Variants in LPCAT2 observed in about 807,000 individuals in gnomAD.
LPCAT2 encodes the protein 1-AGP acyltransferase 11.
A neutral mutation model predicts 64.7 loss-of-function variants in LPCAT2; 58 were observed. The observed-to-expected ratio is 0.90, with a 90% CI of 0.73 to 1.12. LPCAT2 has a LOEUF of 1.12. Among genes scored for constraint, LPCAT2 ranks in the 50% most tolerant of loss-of-function variants. LPCAT2 has a pLI of 0.00. For synonymous variants in LPCAT2, 252 were observed against 245.3 expected (o/e 1.03, Z -0.26); for missense variants, 579 against 669.8 (o/e 0.86, Z 1.50).
At chr16:55,561,315 G>A (rs1400346697) in intron 11 of LPCAT2, among the ~76,000 whole-genome samples, 2 of 146,470 alleles carry the variant, frequency 1.4e-5, no homozygotes, top group African/African-American at 5.0e-5. Context: ...TAATAACTTT[G>A]TTCCCCAAAT....
At chr16:55,512,017 A>G (rs1962939600) in intron 1 of LPCAT2, among the ~76,000 whole-genome samples, 1 of 152,152 alleles carries the variant, frequency 6.6e-6, no homozygotes, top group African/African-American at 2.4e-5. Flanking sequence ...ATACCACCAT[A>G]CTTCATTGCA....
chr16:55,571,918 T>A (rs1258397444), intron 11 of LPCAT2, among the ~76,000 whole-genome samples: 1 of 152,146 alleles, frequency 6.6e-6, no homozygotes, highest in Non-Finnish European at 1.5e-5. Context: ...AATGAAGAAG[T>A]TGAATGGATG....
At chr16:55,511,103 A>G (rs1207414128) in intron 1 of LPCAT2, among the ~76,000 whole-genome samples, 3 of 152,264 alleles carry the variant, frequency 2.0e-5, no homozygotes, top group Admixed American at 6.5e-5. Flanking sequence ...TTTCTCGTCT[A>G]TTACATTGGA....
chr16:55,525,381 C>T (rs1301525952), intron 1 of LPCAT2, 127 bp from the exon 2 acceptor site: 2 of 695,528 alleles, frequency 2.9e-6, no homozygotes, highest in Non-Finnish European at 4.8e-6. Context: ...CTGGTACAGG[C>T]TAGTAGTCAA....
intron 1 of LPCAT2, among the ~76,000 whole-genome samples, chr16:55,520,490 A>G (rs1453911765): frequency 6.6e-6 from 1 of 152,028 alleles, no homozygotes; most frequent in Non-Finnish European, 1.5e-5. Flanking sequence ...ATAATATAGA[A>G]AATTTGAACA....
At chr16:55,543,539 G>GT (rs1388784442) in intron 8 of LPCAT2, among the ~76,000 whole-genome samples, 1 of 151,816 alleles carries the variant, frequency 6.6e-6, no homozygotes, top group African/African-American at 2.4e-5. Flanking sequence ...TCAACTTACT[G>GT]TTTTTTTCTT....
At chr16:55,571,308 T>C (rs1963767357) in intron 11 of LPCAT2, among the ~76,000 whole-genome samples, 1 of 152,174 alleles carries the variant, frequency 6.6e-6, no homozygotes, top group Non-Finnish European at 1.5e-5. Context: ...TAGAGCTTCC[T>C]GCTGGCCCTG....
chr16:55,564,745 G>A (rs1299608041), intron 11 of LPCAT2, among the ~76,000 whole-genome samples: 2 of 151,916 alleles, frequency 1.3e-5, no homozygotes, highest in African/African-American at 4.8e-5. Flanking sequence ...AAACTCTTCA[G>A]TGAAAACAGA....
chr16:55,563,598 G>GA (rs1259723220), intron 11 of LPCAT2, among the ~76,000 whole-genome samples: 4 of 151,762 alleles, frequency 2.6e-5, no homozygotes, highest in Admixed American at 6.6e-5. Context: ...GAATGAAGGG[G>GA]AAAAATCACA....
intron 12 of LPCAT2, among the ~76,000 whole-genome samples, chr16:55,575,321 A>G (rs1450994889): frequency 6.6e-6 from 1 of 152,198 alleles, no homozygotes; most frequent in African/African-American, 2.4e-5. Flanking sequence ...GAGCTTGATG[A>G]AAGTTCAAAT....
intron 2 of LPCAT2, 55 bp downstream of exon 2, chr16:55,525,702 T>G (rs1199894206): frequency 3.7e-6 from 5 of 1,339,804 alleles, no homozygotes; most frequent in Non-Finnish European, 5.0e-6. Context: ...TAAGATATAC[T>G]AAATCAATAT....
chr16:55,516,320 G>T (rs2053600172), intron 1 of LPCAT2, among the ~76,000 whole-genome samples: 1 of 152,090 alleles, frequency 6.6e-6, no homozygotes, highest in Non-Finnish European at 1.5e-5. Flanking sequence ...GCCCAGACTG[G>T]TCTCAAACTC....
Position 55,548,047 on chromosome 16 carries a change from C to T in LPCAT2, c.936-1230C>T, listed in dbSNP as rs536065837. On this transcript the variant is annotated intron_variant, in intron 9 of 13. Transcript: ENST00000262134. ...CCTCCCAAAGTGCTGGGATTACTGG[C>T]GTGAGCCACCGCACCTGGCCAAAAA... Among the ~76,000 whole-genome samples the T allele has an allele frequency of 9.9e-5, 15 of 152,234 alleles. No individual in the cohort carries two copies. The South Asian group carries it at 2.5e-3, about 25-fold the overall frequency.
rs1047992274 is a variant in LPCAT2, at chr16:55,584,617, T to A, written c.*1519T>A. On this transcript the variant is annotated 3_prime_UTR_variant, in exon 14 of 14. Coordinates refer to ENST00000262134, the MANE Select transcript of LPCAT2 (RefSeq NM_017839.5). ...ATAAAACTCCTTGTTTTGGCCGTGT[T>A]TCTGAATGTATTGGTGATTCACCCC... 3 of 152,196 alleles carry A rather than the reference T, an allele frequency of 2.0e-5. No homozygotes were observed. In the South Asian group the frequency reaches 6.2e-4, roughly 31 times the overall value. 9.4% of individuals were successfully genotyped at this position (152,196 alleles called of 1,614,324 possible).
intron 1 of LPCAT2, among the ~76,000 whole-genome samples, chr16:55,509,989 G>GTTTTTTTTTTTTTTT (rs1196878080): frequency 1.5e-5 from 1 of 65,200 alleles, no homozygotes; most frequent in Non-Finnish European, 4.0e-5. Flanking sequence ...ATTTGAAGAA[G>GTTTTTTTTTTTTTTT]TCTTTTTTTT....
intron 2 of LPCAT2, 119 bp from the exon 3 acceptor site, chr16:55,528,258 C>A (rs1244160246): frequency 9.8e-6 from 7 of 716,932 alleles, no homozygotes; most frequent in Non-Finnish European, 1.4e-5. Flanking sequence ...TTCTCCTCAG[C>A]TCATATTTTC....
At chr16:55,572,955 A>G (rs1230290909) in intron 11 of LPCAT2, among the ~76,000 whole-genome samples, 1 of 152,196 alleles carries the variant, frequency 6.6e-6, no homozygotes, top group African/African-American at 2.4e-5. Flanking sequence ...AAAAAACAAA[A>G]CAAAACAAAA....
At chr16:55,543,119 T>C (rs1326138261) in intron 8 of LPCAT2, among the ~76,000 whole-genome samples, 1 of 152,200 alleles carries the variant, frequency 6.6e-6, no homozygotes, top group Admixed American at 6.5e-5. Flanking sequence ...CAAGGTCTTA[T>C]TCTAGGAGAG....
intron 11 of LPCAT2, among the ~76,000 whole-genome samples, chr16:55,553,735 C>T (rs1963544276): frequency 6.6e-6 from 1 of 152,190 alleles, no homozygotes; most frequent in Admixed American, 6.5e-5. Flanking sequence ...TTTCAATTTA[C>T]TTTGCCCAAA....
Sources: gnomAD v4.1 joint callset for allele counts (sites outside exome capture counted in the v4.1 genomes callset) on GRCh38, gnomAD v4.1.1 for gene constraint, MANE v1.5 for transcripts, NCBI Gene and HGNC (gene_info 2026-07-23, HGNC 2026-07-21) for gene names.